Variants in HECTD2 observed in about 807,000 individuals in gnomAD.
HECTD2 encodes probable E3 ubiquitin-protein ligase HECTD2.
Under a neutral mutation model 103.2 loss-of-function variants are expected in HECTD2, and 35 were observed. The ratio of observed to expected loss-of-function variants is 0.34; its 90% CI spans 0.26 to 0.45. HECTD2 has a LOEUF of 0.45. Among genes scored for constraint, HECTD2 ranks in the 20% least tolerant of loss-of-function variants. HECTD2 has a pLI of 1.00. For synonymous variants in HECTD2, 281 were observed against 329.9 expected, an observed-to-expected ratio of 0.85 and a Z score of 1.61; for missense variants, 596 against 937.4, an observed-to-expected ratio of 0.64 and a Z score of 4.76.
intron 2 of HECTD2, among the ~76,000 whole-genome samples, chr10:91,445,883 C>T (rs544105424): frequency 2.0e-5 from 3 of 152,252 alleles, no homozygotes; most frequent in Admixed American, 2.0e-4. Context: ...ATGGTCTTTA[C>T]AACCTACAGA....
At chr10:91,433,320 ACT>A (rs1353955951) in intron 2 of HECTD2, among the ~76,000 whole-genome samples, 10 of 151,550 alleles carry the variant, frequency 6.6e-5, no homozygotes, top group African/African-American at 1.9e-4. Context: ...TCTCACTTTC[ACT>A]CTCTTTTCTG....
chr10:91,428,407 T>A (rs1293378816), intron 2 of HECTD2, among the ~76,000 whole-genome samples: 4 of 151,724 alleles, frequency 2.6e-5, no homozygotes, highest in Non-Finnish European at 5.9e-5. Flanking sequence ...TTTCCAGTTC[T>A]GTGAAGAAAG....
At chr10:91,490,287 A>G (rs946279386) in intron 11 of HECTD2, among the ~76,000 whole-genome samples, 3 of 151,676 alleles carry the variant, frequency 2.0e-5, no homozygotes, top group Non-Finnish European at 4.4e-5. Context: ...TTTTTTCATT[A>G]GTTGTATATG....
intron 5 of HECTD2, among the ~76,000 whole-genome samples, chr10:91,474,570 A>C (rs1845840414): frequency 6.6e-6 from 1 of 152,148 alleles, no homozygotes; most frequent in African/African-American, 2.4e-5. Context: ...GTTGATTTTT[A>C]TTTGCATCTT....
intron 14 of HECTD2, among the ~76,000 whole-genome samples, chr10:91,495,023 T>C (rs1322309415): frequency 1.3e-5 from 2 of 152,010 alleles, no homozygotes; most frequent in Non-Finnish European, 2.9e-5. Context: ...ATTAAGCATG[T>C]TTAGATATTC....
chr10:91,493,207 A>C (rs1228254744), intron 13 of HECTD2, among the ~76,000 whole-genome samples: 2 of 151,356 alleles, frequency 1.3e-5, no homozygotes, highest in African/African-American at 4.8e-5. Context: ...AATGTTCTCC[A>C]TATATATTTA....
intron 2 of HECTD2, among the ~76,000 whole-genome samples, chr10:91,428,715 G>T (rs1287793103): frequency 6.6e-6 from 1 of 151,768 alleles, no homozygotes; most frequent in Admixed American, 6.6e-5. Flanking sequence ...TGTGATTTTT[G>T]TACATTGATT....
intron 2 of HECTD2, among the ~76,000 whole-genome samples, chr10:91,438,194 T>A (rs951225664): frequency 6.6e-6 from 1 of 152,118 alleles, no homozygotes; most frequent in East Asian, 1.9e-4. Flanking sequence ...CAACCCGTCA[T>A]CTACATTAAG....
At chr10:91,412,868 G>C (rs1247359946) in intron 1 of HECTD2, among the ~76,000 whole-genome samples, 1 of 152,054 alleles carries the variant, frequency 6.6e-6, no homozygotes, top group African/African-American at 2.4e-5. Flanking sequence ...TGTGTGGGGA[G>C]GGGGAGGAGG....
chr10:91,498,949 AAATAG>A lies in HECTD2; in HGVS notation c.1836_1840del (p.Asn612LysfsTer9). On this transcript the variant is annotated frameshift_variant, in exon 17 of 21. Coordinates refer to ENST00000298068, the MANE Select transcript of HECTD2 (RefSeq NM_182765.6). LOFTEE classifies it high-confidence loss of function. ...GTGATAAAATTTCAGTTACCAATCA[AAATAG>A]AAAAGGTAAGTTAATACCCTTTTTA... is the stretch of plus-strand genomic sequence containing the variant. The A allele has an allele frequency of 6.3e-7, 1 of 1,593,976 alleles. No individual in the cohort carries two copies. The highest frequency in any genetic ancestry group is 8.6e-7 in the Non-Finnish European group (1 of 1,163,210).
intron 2 of HECTD2, among the ~76,000 whole-genome samples, chr10:91,436,117 A>C (rs944894451): frequency 6.6e-6 from 1 of 151,754 alleles, no homozygotes; most frequent in Non-Finnish European, 1.5e-5. Context: ...TTCTCCCTGC[A>C]TGGTGTCTGA....
rs1847500342 is a variant in HECTD2, at chr10:91,513,400, TAAC to T, written c.*1018_*1020del. 6.6e-6 allele frequency: 1 copy of T among 152,628 alleles called. No individual in the cohort carries two copies. Among genetic ancestry groups the T allele is most frequent in the Non-Finnish European group, 1.5e-5 (1 of 68,006 alleles). The allele number at this position is 152,628 out of a possible 1,614,324, so 9.5% of individuals were successfully genotyped here. A position where few individuals can be genotyped will look rare whatever the true frequency, so the allele number is the denominator to read the frequency against. ...TATTTGACAAAAGTGAATACAATAATAACACTTGTGTCAAAATGATATAGCTTA... is the reference window on the plus strand; with the variant it reads ...TATTTGACAAAAGTGAATACAATAATACTTGTGTCAAAATGATATAGCTTA... On this transcript the variant is annotated 3_prime_UTR_variant, in exon 21 of 21. Coordinates refer to ENST00000298068, the MANE Select transcript of HECTD2 (RefSeq NM_182765.6).
At chr10:91,449,127 A>G (rs1328497163) in intron 2 of HECTD2, among the ~76,000 whole-genome samples, 2 of 152,052 alleles carry the variant, frequency 1.3e-5, no homozygotes, top group African/African-American at 2.4e-5. Context: ...GAAAATCCTC[A>G]GTAAAATACT....
intron 5 of HECTD2, among the ~76,000 whole-genome samples, chr10:91,469,724 C>T (rs1283584080): frequency 6.6e-6 from 1 of 152,000 alleles, no homozygotes; most frequent in East Asian, 1.9e-4. Flanking sequence ...AGCTTAACAA[C>T]ATGATGACAG....
intron 2 of HECTD2, among the ~76,000 whole-genome samples, chr10:91,445,545 T>C (rs896228990): frequency 6.6e-6 from 1 of 152,142 alleles, no homozygotes; most frequent in African/African-American, 2.4e-5. Context: ...TTAAAGTCCC[T>C]GGGCCTCAGT....
chr10:91,479,811 T>C (rs1030934818), intron 6 of HECTD2, among the ~76,000 whole-genome samples: 10 of 152,184 alleles, frequency 6.6e-5, no homozygotes, highest in Non-Finnish European at 1.2e-4. Context: ...TTCATTGGTA[T>C]CTTCTTTTAA....
intron 2 of HECTD2, among the ~76,000 whole-genome samples, chr10:91,458,807 G>T (rs1225794029): frequency 1.3e-5 from 2 of 151,866 alleles, no homozygotes; most frequent in East Asian, 3.9e-4. Flanking sequence ...CGATCTTTGG[G>T]CTCTAGAACT....
chr10:91,445,574 AAG>A (rs1185376321), intron 2 of HECTD2, among the ~76,000 whole-genome samples: 2 of 152,148 alleles, frequency 1.3e-5, no homozygotes, highest in African/African-American at 4.8e-5. Context: ...TATACAATGA[AAG>A]AAGAGGGAGT....
intron 10 of HECTD2, 29 bp downstream of exon 10, chr10:91,485,332 A>T (rs772387348): frequency 6.5e-7 from 1 of 1,545,664 alleles, no homozygotes; most frequent in Middle Eastern, 1.7e-4. Context: ...TTGATTATCC[A>T]CCTAAATGAA....
Sources: allele counts gnomAD v4.1 joint callset (sites outside exome capture counted in the v4.1 genomes callset), GRCh38; gene constraint gnomAD v4.1.1; transcripts MANE v1.5; gene names NCBI Gene and HGNC (gene_info 2026-07-23, HGNC 2026-07-21).